Variants in MRM1 observed in about 807,000 individuals in gnomAD.
MRM1 encodes rRNA methyltransferase 1, mitochondrial.
In MRM1, 24 loss-of-function variants were observed where a neutral mutation model predicts 25.0. The ratio of observed to expected loss-of-function variants is 0.96; its 90% CI spans 0.69 to 1.35. MRM1 has a LOEUF of 1.35. Ranked by LOEUF, MRM1 falls within the 40% of genes most tolerant of loss-of-function variation. The probability of loss-of-function intolerance (pLI) is 0.00; values close to 1 mark genes in which losing one functional copy is unlikely to be tolerated. For missense variants in MRM1, 431 were observed against 464.1 expected, an observed-to-expected ratio of 0.93 and a Z score of 0.65; for synonymous variants, 188 against 199.2, an observed-to-expected ratio of 0.94 and a Z score of 0.47.
At chr17:36,620,630 T>C in the MRM1 span, among the ~76,000 whole-genome samples, 26 of 152,308 alleles carry the variant, frequency 1.7e-4, no homozygotes, top group African/African-American at 5.5e-4. Flanking sequence ...AGAAGATATG[T>C]TTGGGGTTGA....
chr17:36,608,389 GAGAA>G lies in MRM1; in HGVS notation c.1040_1043del (p.Lys347ArgfsTer45), dbSNP rs2074950624. ...GCACCCAGGGCTGTCTTCAGGCCCA[GAGAA>G]AGAGAGGCAAAATGAGGGCTGACGT... On this transcript the variant is annotated frameshift_variant, in exon 5 of 5. Coordinates refer to ENST00000614766, the MANE Select transcript of MRM1 (RefSeq NM_024864.5). LOFTEE classifies it high-confidence loss of function. The G allele has an allele frequency of 6.3e-7, 1 of 1,581,676 alleles. No homozygotes were observed. The highest frequency in any genetic ancestry group is 8.6e-7 in the Non-Finnish European group (1 of 1,165,030).
In MRM1 at chr17:36,608,320, C is replaced by A. The variant is rs761766463; in HGVS notation, c.967C>A (p.Pro323Thr). 2.5e-5 allele frequency: 40 copies of A among 1,610,882 alleles called. No homozygotes were observed. The highest frequency in any genetic ancestry group is 1.7e-4 in the South Asian group (15 of 90,760). Residue 323 changes from proline to threonine, a missense_variant, in exon 5 of 5, where the codon CCC (proline) becomes ACC (threonine). Coordinates refer to ENST00000614766, the MANE Select transcript of MRM1 (RefSeq NM_024864.5). ...GGAGAGAAGGCAGCTTCTCCAAGAC[C>A]CCCAAGAACCCTCAGCCAGGTCTGA... Reference protein sequence around the residue: ...EGERRQLLQDPQEPSARSEGL... With the variant: ...EGERRQLLQDTQEPSARSEGL...
chr17:36,632,469 T>C, the MRM1 span, among the ~76,000 whole-genome samples: 1 of 152,128 alleles, frequency 6.6e-6, no homozygotes, highest in African/African-American at 2.4e-5. Flanking sequence ...TGGGGCAAGA[T>C]GGGATGGTAA....
chr17:36,632,780 CAAG>C, the MRM1 span, among the ~76,000 whole-genome samples: 1 of 151,992 alleles, frequency 6.6e-6, no homozygotes, highest in African/African-American at 2.4e-5. Flanking sequence ...TGGGAGATTC[CAAG>C]AAGGCTTTGT....
chr17:36,612,810 G>A (rs1040205092), downstream of MRM1, among the ~76,000 whole-genome samples: 3 of 152,224 alleles, frequency 2.0e-5, no homozygotes, highest in African/African-American at 7.2e-5. Context: ...GGTCATACAT[G>A]TAAAACCCTC....
chr17:36,603,316 AAAAGT>A (rs1441695399), intron 2 of MRM1: 6 of 566,322 alleles, frequency 1.1e-5, no homozygotes, highest in African/African-American at 6.1e-5. Flanking sequence ...AGCCACATTG[AAAAGT>A]AAAGAGATGA....
At chr17:36,605,038 G>A (rs1454153425) in intron 2 of MRM1, among the ~76,000 whole-genome samples, 1 of 152,014 alleles carries the variant, frequency 6.6e-6, no homozygotes, top group East Asian at 1.9e-4. Context: ...TGCTCGGGAG[G>A]CTGAGGCAGA....
At chr17:36,609,994 TG>T, downstream of MRM1, among the ~76,000 whole-genome samples, 1 of 147,536 alleles carries the variant, frequency 6.8e-6, no homozygotes. Context: ...GGCGCGATCT[TG>T]GCTCACTGCA....
At chr17:36,620,848 A>G in the MRM1 span, among the ~76,000 whole-genome samples, 13 of 152,262 alleles carry the variant, frequency 8.5e-5, no homozygotes, top group East Asian at 1.9e-3. Flanking sequence ...CAACCCATCC[A>G]TAGGTCTTGG....
Position 36,602,771 on chromosome 17 carries a change from A to G in MRM1, c.636+125A>G. The stretch of plus-strand genomic sequence containing the variant: ...GGCACCGCTTCCTTTGGCCTTCTAA[A>G]TCCCTCTGGGGATGGAAGGGTCCTG... On this transcript the variant is annotated intron_variant, in intron 2 of 4. Coordinates refer to ENST00000614766, the MANE Select transcript of MRM1 (RefSeq NM_024864.5). The surrounding 1 kb of genome is among the most constrained non-coding windows in gnomAD (Gnocchi z 4.1). The G allele has an allele frequency of 7.7e-7, 1 of 1,305,938 alleles. No individual in the cohort carries two copies. The highest frequency in any genetic ancestry group is 1.1e-6 in the Non-Finnish European group (1 of 935,120). 80.9% of individuals were successfully genotyped at this position (1,305,938 alleles called of 1,614,324 possible).
downstream of MRM1, among the ~76,000 whole-genome samples, chr17:36,613,354 T>G (rs2074988309): frequency 6.6e-6 from 1 of 152,150 alleles, no homozygotes; most frequent in Non-Finnish European, 1.5e-5. Flanking sequence ...CCTTGAGGTT[T>G]CTCACTTCCA....
chr17:36,621,279 A>T, the MRM1 span, among the ~76,000 whole-genome samples: 1 of 151,940 alleles, frequency 6.6e-6, no homozygotes, highest in African/African-American at 2.4e-5. Context: ...ACCTGGATGA[A>T]CCTCAGCCTT....
the MRM1 span, among the ~76,000 whole-genome samples, chr17:36,632,376 A>G: frequency 6.6e-6 from 1 of 152,022 alleles, no homozygotes; most frequent in South Asian, 2.1e-4. Context: ...AAGGGGCAGT[A>G]GGAAGCAGTG....
At chr17:36,607,563 C>T (rs950246576) in intron 2 of MRM1, 107 bp from the exon 3 acceptor site, 54 of 1,349,178 alleles carry the variant, frequency 4.0e-5, no homozygotes, top group East Asian at 7.1e-5. Context: ...GTTGAGGCTG[C>T]GGTGAGCTGT....
chr17:36,610,455 A>C (rs1466404328), downstream of MRM1, among the ~76,000 whole-genome samples: 2 of 151,762 alleles, frequency 1.3e-5, no homozygotes, highest in Non-Finnish European at 2.9e-5. Flanking sequence ...GATGGTCTCG[A>C]TCTCCTGACC....
At chr17:36,613,204 C>T (rs764332028), downstream of MRM1, among the ~76,000 whole-genome samples, 9 of 152,020 alleles carry the variant, frequency 5.9e-5, no homozygotes, top group South Asian at 2.1e-4. Flanking sequence ...ATCCCCCTCC[C>T]CCTAGGTTGG....
In MRM1 at chr17:36,607,669, G is replaced by A. The variant is rs2074942063; in HGVS notation, c.637-1G>A. On this transcript the variant is annotated splice_acceptor_variant, in intron 2 of 4. Transcript: ENST00000614766. LOFTEE classifies it high-confidence loss of function. ...AGAACATATCTTCTTCCCCCTTTCAGACCAAAGCCCAGCAGGGCTGGCTCG... is the reference window on the plus strand; with the variant it reads ...AGAACATATCTTCTTCCCCCTTTCAAACCAAAGCCCAGCAGGGCTGGCTCG... 2 of 1,611,562 alleles carry A rather than the reference G, an allele frequency of 1.2e-6. No individual in the cohort carries two copies. Among genetic ancestry groups the A allele is most frequent in the Non-Finnish European group, 1.7e-6 (2 of 1,179,076 alleles).
At chr17:36,621,428 CCTGT>C in the MRM1 span, among the ~76,000 whole-genome samples, 1 of 151,668 alleles carries the variant, frequency 6.6e-6, no homozygotes, top group Admixed American at 6.6e-5. Context: ...TGACATCCTG[CCTGT>C]CTGTCTATCC....
chr17:36,613,429 A>G (rs1189631968), downstream of MRM1, among the ~76,000 whole-genome samples: 2 of 152,294 alleles, frequency 1.3e-5, no homozygotes, highest in East Asian at 3.9e-4. Context: ...ATGGGGCTCC[A>G]CTGCAGAGCC....
Sources: gnomAD v4.1 joint callset for allele counts (sites outside exome capture counted in the v4.1 genomes callset) on GRCh38, gnomAD v4.1.1 for gene constraint, Gnocchi (gnomAD v3.1) non-coding constraint, MANE v1.5 for transcripts, NCBI Gene and HGNC (gene_info 2026-07-23, HGNC 2026-07-21) for gene names.